STXBP3: variants seen among roughly 807,000 people sequenced by gnomAD.
The protein encoded by STXBP3 is syntaxin binding protein 3.
A neutral mutation model predicts 85.7 loss-of-function variants in STXBP3; 41 were observed. That is an observed-to-expected ratio of 0.48 (90% CI 0.37 to 0.62). The LOEUF (loss-of-function observed/expected upper bound fraction) is 0.62, where lower values mean the gene tolerates loss of function less well. Ranked by LOEUF, STXBP3 falls within the 20% of genes least tolerant of loss-of-function variation. The probability of loss-of-function intolerance (pLI) is 0.00; values close to 1 mark genes in which losing one functional copy is unlikely to be tolerated. For missense variants in STXBP3, 563 were observed against 703.1 expected (o/e 0.80, Z 2.25); for synonymous variants, 229 against 231.7 (o/e 0.99, Z 0.10).
At chr1:108,787,068 G>C (rs982911341) in intron 11 of STXBP3, among the ~76,000 whole-genome samples, 4 of 151,954 alleles carry the variant, frequency 2.6e-5, no homozygotes, top group Admixed American at 1.3e-4. Context: ...TATAAAATGT[G>C]ATTGATTTTT....
intron 4 of STXBP3, among the ~76,000 whole-genome samples, chr1:108,757,493 A>G (rs148097991): frequency 3.9e-5 from 6 of 152,158 alleles, no homozygotes; most frequent in Non-Finnish European, 7.4e-5. Context: ...TATCTGTAAT[A>G]TAATTCCATA....
chr1:108,793,683 TTA>T, intron 12 of STXBP3, 36 bp downstream of exon 12: 1 of 1,536,400 alleles, frequency 6.5e-7, no homozygotes, highest in Middle Eastern at 1.7e-4. Context: ...CTGATTAGTT[TTA>T]GTTTATATTC....
At chr1:108,797,177 A>G (rs1198387592) in intron 15 of STXBP3, among the ~76,000 whole-genome samples, 1 of 151,990 alleles carries the variant, frequency 6.6e-6, no homozygotes, top group Non-Finnish European at 1.5e-5. Context: ...CATCATAGTA[A>G]GACCTCGCCT....
chr1:108,760,017 G>A lies in STXBP3; in HGVS notation c.370G>A (p.Ala124Thr), dbSNP rs767973863. ...TGATAATCTCTTTAACAAAATTAAG[G>A]CTTCTTGCTCCAAGTCAATAAGAAG... ...CPDNLFNKIK[A>T]SCSKSIRRCK... Residue 124 changes from alanine (A) to threonine (T), a missense_variant, in exon 6 of 19, where the codon GCT becomes ACT. Coordinates refer to ENST00000370008, the MANE Select transcript of STXBP3 (RefSeq NM_007269.4). 3 of 1,575,810 alleles carry A rather than the reference G, an allele frequency of 1.9e-6. No individual in the cohort carries two copies. The East Asian group carries it at 7.1e-5, about 37-fold the overall frequency.
At chr1:108,768,190 A>C (rs769472268) in intron 6 of STXBP3, among the ~76,000 whole-genome samples, 12 of 152,166 alleles carry the variant, frequency 7.9e-5, no homozygotes, top group Non-Finnish European at 1.5e-4. Flanking sequence ...ATACAATTTG[A>C]TGTTTTGATA....
chr1:108,775,402 AG>A, intron 7 of STXBP3, among the ~76,000 whole-genome samples: 1 of 152,286 alleles, frequency 6.6e-6, no homozygotes, highest in Non-Finnish European at 1.5e-5. Flanking sequence ...TATCACCTCA[AG>A]CATTTATCCT....
chr1:108,766,601 G>C (rs1662267357), intron 6 of STXBP3, among the ~76,000 whole-genome samples: 3 of 152,104 alleles, frequency 2.0e-5, no homozygotes, highest in South Asian at 4.1e-4. Flanking sequence ...AGTTTTCTGG[G>C]CCACACTGCT....
At chr1:108,793,503 A>C in intron 11 of STXBP3, 79 bp from the exon 12 acceptor site, 1 of 1,258,334 alleles carries the variant, frequency 7.9e-7, no homozygotes, top group South Asian at 1.4e-5. Flanking sequence ...GATAATTTGT[A>C]AAACTCTAGG....
intron 3 of STXBP3, among the ~76,000 whole-genome samples, chr1:108,754,965 C>G (rs564993905): frequency 5.9e-5 from 9 of 152,090 alleles, no homozygotes; most frequent in Non-Finnish European, 8.8e-5. Context: ...TCCACATTAG[C>G]TCTCCTGAAA....
chr1:108,779,449 A>G (rs768211692), intron 9 of STXBP3, 39 bp downstream of exon 9: 1 of 1,578,346 alleles, frequency 6.3e-7, no homozygotes, highest in East Asian at 2.3e-5. Flanking sequence ...GGCATATACA[A>G]ACAGGATAGA....
At chr1:108,804,986 T>C (rs1478992918) in intron 17 of STXBP3, among the ~76,000 whole-genome samples, 1 of 152,254 alleles carries the variant, frequency 6.6e-6, no homozygotes, top group Admixed American at 6.5e-5. Context: ...TTGTTTACTC[T>C]CAGCTATGCT....
chr1:108,797,351 C>A (rs1277240), intron 15 of STXBP3, among the ~76,000 whole-genome samples: 34,037 of 124,398 alleles, frequency 0.27, 5,088 homozygotes, highest in East Asian at 0.73. Context: ...AAAAAAAAAA[C>A]AAAAAAAAAA....
At chr1:108,795,504 GA>G (rs1049469356) in intron 13 of STXBP3, among the ~76,000 whole-genome samples, 150 of 142,204 alleles carry the variant, frequency 1.1e-3, no homozygotes, top group African/African-American at 3.6e-3. Flanking sequence ...AAAAAAAAAA[GA>G]AAAAAAAAAC....
At chr1:108,805,379 G>GT (rs1663306145) in intron 17 of STXBP3, among the ~76,000 whole-genome samples, 2 of 151,062 alleles carry the variant, frequency 1.3e-5, no homozygotes, top group East Asian at 3.9e-4. Flanking sequence ...CATTCTTTAA[G>GT]GTAATGAATG....
intron 17 of STXBP3, among the ~76,000 whole-genome samples, chr1:108,804,636 CT>C (rs576938823): frequency 6.4e-4 from 98 of 152,314 alleles, no homozygotes; most frequent in African/African-American, 2.2e-3. Flanking sequence ...TTTGCATGTG[CT>C]TTTGCCAGAT....
chr1:108,765,448 C>T (rs1039812078), intron 6 of STXBP3, among the ~76,000 whole-genome samples: 28 of 152,164 alleles, frequency 1.8e-4, no homozygotes, highest in African/African-American at 5.3e-4. Context: ...GTTCCCTCAA[C>T]CCCATTGTGT....
chr1:108,751,667 G>GA (rs1245591163), intron 1 of STXBP3, among the ~76,000 whole-genome samples: 2 of 152,002 alleles, frequency 1.3e-5, no homozygotes, highest in Non-Finnish European at 2.9e-5. Flanking sequence ...TTGTCCACAT[G>GA]AATTATTTAA....
intron 1 of STXBP3, among the ~76,000 whole-genome samples, chr1:108,748,807 G>C (rs1279566314): frequency 1.3e-5 from 2 of 152,124 alleles, no homozygotes; most frequent in Non-Finnish European, 2.9e-5. Context: ...ATTCAGCCTG[G>C]GTGACAGAGC....
Position 108,746,731 on chromosome 1 carries a change from C to T in STXBP3, c.-7C>T. On this transcript the variant is annotated 5_prime_UTR_variant, in exon 1 of 19. Transcript: ENST00000370008. ...GGTGGTGGCTGCTGCTCCGCAGTGT[C>T]GGGAAGATGGCGCCGCCGGTGGCAG... is the stretch of plus-strand genomic sequence containing the variant. 9 of 1,548,844 alleles carry T rather than the reference C, an allele frequency of 5.8e-6. No homozygotes were observed. The highest frequency in any genetic ancestry group is 7.9e-6 in the Non-Finnish European group (9 of 1,145,844).
Sources: allele counts gnomAD v4.1 joint callset (sites outside exome capture counted in the v4.1 genomes callset), GRCh38; gene constraint gnomAD v4.1.1; transcripts MANE v1.5; gene names NCBI Gene and HGNC (gene_info 2026-07-23, HGNC 2026-07-21).